Variants in USH1C observed in about 807,000 individuals in gnomAD.
The protein encoded by USH1C is USH1 protein network component harmonin, also known as harmonin.
In USH1C, 90 loss-of-function variants were observed where a neutral mutation model predicts 119.3. The ratio of observed to expected loss-of-function variants is 0.75; its 90% CI spans 0.64 to 0.90. USH1C has a LOEUF of 0.90. Among genes scored for constraint, USH1C ranks in the 40% least tolerant of loss-of-function variants. The probability of loss-of-function intolerance (pLI) is 0.00; values close to 1 mark genes in which losing one functional copy is unlikely to be tolerated. For synonymous variants in USH1C, 465 were observed against 443.3 expected, an observed-to-expected ratio of 1.05 and a Z score of -0.62; for missense variants, 1,165 against 1,167.7, an observed-to-expected ratio of 1.00 and a Z score of 0.03.
intron 1 of USH1C, among the ~76,000 whole-genome samples, chr11:17,536,345 G>A (rs189062169): frequency 6.6e-6 from 1 of 152,224 alleles, no homozygotes; most frequent in South Asian, 2.1e-4. Flanking sequence ...TGTAGCATTA[G>A]ATTTCAGTAG....
intron 9 of USH1C, 73 bp from the exon 10 acceptor site, chr11:17,523,551 C>T (rs1362177791): frequency 1.4e-6 from 2 of 1,463,410 alleles, no homozygotes; most frequent in Non-Finnish European, 1.9e-6. Flanking sequence ...GACAGGCTCC[C>T]CCAGGGGCTC....
At chr11:17,498,025 A>G (rs953288205) in intron 24 of USH1C, 137 bp downstream of exon 24, 32 of 703,816 alleles carry the variant, frequency 4.5e-5, no homozygotes, top group Middle Eastern at 2.8e-4. Flanking sequence ...TGGATGGGGT[A>G]TGGTGTCACC....
At chr11:17,503,487 C>T (rs1849524716) in intron 20 of USH1C, among the ~76,000 whole-genome samples, 1 of 152,192 alleles carries the variant, frequency 6.6e-6, no homozygotes, top group Non-Finnish European at 1.5e-5. Context: ...AACTGAGGCC[C>T]AGAGAGGTGA....
intron 4 of USH1C, among the ~76,000 whole-genome samples, chr11:17,529,481 T>A (rs1483775564): frequency 6.6e-6 from 1 of 152,218 alleles, no homozygotes; most frequent in Non-Finnish European, 1.5e-5. Context: ...CCTTCCAGCA[T>A]CTTCTTCCAG....
At chr11:17,505,347 C>T (rs879855564) in intron 19 of USH1C, among the ~76,000 whole-genome samples, 16 of 152,380 alleles carry the variant, frequency 1.1e-4, no homozygotes, top group Admixed American at 2.6e-4. Context: ...TAGGTTTTGG[C>T]AAGATGGCAA....
Position 17,503,145 on chromosome 11 carries a change from G to A in USH1C, c.2185-1165C>T, listed in dbSNP as rs142573459. Among the ~76,000 whole-genome samples the A allele has an allele frequency of 5.3e-4, 80 of 152,294 alleles. No homozygotes were observed. The South Asian group carries it at 0.013, about 24-fold the overall frequency. On this transcript the variant is annotated intron_variant, in intron 20 of 26. Transcript: ENST00000005226. ...CTCAACCCCAAGAGGCCATGAGCTC[G>A]GCTCAGCTTGGGAGCTACATCCAGG...
At chr11:17,504,261 G>C (rs1430085008) in intron 20 of USH1C, among the ~76,000 whole-genome samples, 4 of 152,156 alleles carry the variant, frequency 2.6e-5, no homozygotes, top group Admixed American at 1.3e-4. Context: ...AGAAGAAGAG[G>C]GGAAGGTACA....
Position 17,523,283 on chromosome 11 carries a change from G to C in USH1C, c.820-16C>G. 3 of 1,614,216 alleles carry C rather than the reference G, an allele frequency of 1.9e-6. No homozygotes were observed. Among genetic ancestry groups the C allele is most frequent in the Non-Finnish European group, 2.5e-6 (3 of 1,180,030 alleles). On this transcript the variant is annotated splice_polypyrimidine_tract_variant and intron_variant, in intron 10 of 26. Transcript: ENST00000005226. Reference sequence around the variant, plus strand: ...CATTTACAGCCTGTGGGGACAGAAGGACAGTGGGCCGAGGCCTGACAGACC... The same window carrying C: ...CATTTACAGCCTGTGGGGACAGAAGCACAGTGGGCCGAGGCCTGACAGACC...
chr11:17,533,967 T>G, intron 1 of USH1C: 1 of 281,290 alleles, frequency 3.6e-6, no homozygotes, highest in South Asian at 3.8e-5. Context: ...GTTACATCAT[T>G]TCAACTTTGT....
intron 15 of USH1C, among the ~76,000 whole-genome samples, chr11:17,513,345 C>T (rs532360694): frequency 3.2e-4 from 49 of 152,224 alleles, no homozygotes; most frequent in African/African-American, 1.1e-3. Flanking sequence ...CACCCCCGCC[C>T]CCAACAAGCC....
At chr11:17,496,628 G>A (rs1381694829) in intron 25 of USH1C, 130 bp downstream of exon 25, 7 of 1,144,076 alleles carry the variant, frequency 6.1e-6, no homozygotes, top group Non-Finnish European at 9.1e-6. Flanking sequence ...TAGGAGCTCT[G>A]GCTATGAGAA....
intron 18 of USH1C, among the ~76,000 whole-genome samples, chr11:17,506,917 T>C (rs1478450580): frequency 6.6e-6 from 1 of 152,232 alleles, no homozygotes. Context: ...GTGCCCTGCA[T>C]AGTGCCTTGG....
intron 4 of USH1C, among the ~76,000 whole-genome samples, chr11:17,528,904 C>A (rs1850834406): frequency 6.6e-6 from 1 of 152,232 alleles, no homozygotes; most frequent in Non-Finnish European, 1.5e-5. Context: ...AACAACCCTG[C>A]AGAGCAGGAA....
At chr11:17,542,077 C>T (rs771710889) in intron 1 of USH1C, among the ~76,000 whole-genome samples, 3 of 152,200 alleles carry the variant, frequency 2.0e-5, no homozygotes, top group African/African-American at 4.8e-5. Context: ...TCTCATTCAG[C>T]ATTCATGGTA....
intron 20 of USH1C, 24 bp from the exon 21 acceptor site, chr11:17,502,004 G>C (rs754767141): frequency 4.3e-6 from 7 of 1,612,666 alleles, no homozygotes; most frequent in Non-Finnish European, 5.1e-6. Context: ...GAGGGCTTTA[G>C]GGCAACACAG....
At chr11:17,514,937 G>A (rs566712602) in intron 15 of USH1C, among the ~76,000 whole-genome samples, 1 of 152,188 alleles carries the variant, frequency 6.6e-6, no homozygotes, top group South Asian at 2.1e-4. Context: ...CTGATGGGAG[G>A]TGGTATGTGG....
At position 17,518,556 on chromosome 11, in the gene USH1C, G is replaced by C. The variant is rs140395556; in HGVS notation, c.1211-2266C>G. On this transcript the variant is annotated intron_variant, in intron 14 of 26. Coordinates refer to ENST00000005226, the MANE Select transcript of USH1C (RefSeq NM_153676.4). ...CTGTGGTGGTGTCCTGGCCTTCAGG[G>C]CTTGGCAAAATGTTGGGGGTCTGCT... Among the ~76,000 whole-genome samples, 563 of 152,316 alleles carry C rather than the reference G, an allele frequency of 3.7e-3. 1 individual carries two copies. Among genetic ancestry groups the C allele is most frequent in the African/African-American group, 0.013 (533 of 41,574 alleles).
At chr11:17,536,338 A>T (rs1349478179) in intron 1 of USH1C, among the ~76,000 whole-genome samples, 1 of 152,230 alleles carries the variant, frequency 6.6e-6, no homozygotes, top group African/African-American at 2.4e-5. Context: ...ATCTTGCTGT[A>T]GCATTAGATT....
At chr11:17,534,115 C>T (rs1293263566) in intron 1 of USH1C, among the ~76,000 whole-genome samples, 2 of 152,260 alleles carry the variant, frequency 1.3e-5, no homozygotes, top group Non-Finnish European at 2.9e-5. Context: ...GGTCTCTCTT[C>T]AGCCCAAGAA....
Sources: allele counts gnomAD v4.1 joint callset (sites outside exome capture counted in the v4.1 genomes callset), GRCh38; gene constraint gnomAD v4.1.1; transcripts MANE v1.5; gene names NCBI Gene and HGNC (gene_info 2026-07-23, HGNC 2026-07-21).